Variants in TFAP2D observed in about 807,000 individuals in gnomAD.
TFAP2D encodes the protein transcription factor AP-2-delta.
In TFAP2D, 9 loss-of-function variants were observed where a neutral mutation model predicts 43.6. That is an observed-to-expected ratio of 0.21 (90% CI 0.12 to 0.36). The LOEUF is 0.36. Ranked by LOEUF, TFAP2D falls within the 10% of genes least tolerant of loss-of-function variation. The pLI is 1.00. For synonymous variants in TFAP2D, 256 were observed against 224.9 expected (o/e 1.14, Z -1.24); for missense variants, 513 against 561.4 (o/e 0.91, Z 0.87).
At chr6:50,737,355 A>C (rs1290121289) in intron 5 of TFAP2D, among the ~76,000 whole-genome samples, 1 of 152,200 alleles carries the variant, frequency 6.6e-6, no homozygotes, top group Non-Finnish European at 1.5e-5. Flanking sequence ...ATTGAATAAC[A>C]ATGGAAAACT....
intron 2 of TFAP2D, among the ~76,000 whole-genome samples, chr6:50,716,224 G>A (rs1380960005): frequency 6.6e-6 from 1 of 152,130 alleles, no homozygotes; most frequent in Non-Finnish European, 1.5e-5. Flanking sequence ...AAGTCTCAAA[G>A]TTCTACCCCA....
chr6:50,730,285 A>T (rs1768868270), intron 5 of TFAP2D, among the ~76,000 whole-genome samples: 1 of 152,112 alleles, frequency 6.6e-6, no homozygotes, highest in Non-Finnish European at 1.5e-5. Context: ...GTCTTGGCAG[A>T]ATTGCTTTGG....
chr6:50,714,125 G>A, intron 1 of TFAP2D, 31 bp downstream of exon 1: 1 of 887,116 alleles, frequency 1.1e-6, no homozygotes, highest in Non-Finnish European at 1.5e-6. Flanking sequence ...TTTTTTTTTT[G>A]AGCGCGCGTG....
intron 3 of TFAP2D, among the ~76,000 whole-genome samples, chr6:50,728,484 C>A (rs72893647): frequency 0.011 from 1,703 of 152,314 alleles, 16 homozygotes; most frequent in Non-Finnish European, 0.017. Context: ...CATAAACATA[C>A]AACCATGTAT....
intron 5 of TFAP2D, among the ~76,000 whole-genome samples, chr6:50,740,774 T>G (rs1285341986): frequency 1.3e-5 from 2 of 152,174 alleles, no homozygotes; most frequent in Non-Finnish European, 2.9e-5. Flanking sequence ...TATAACAGAT[T>G]GAAAGTCAGG....
At chr6:50,744,352 T>C (rs1769095117) in intron 5 of TFAP2D, among the ~76,000 whole-genome samples, 1 of 152,170 alleles carries the variant, frequency 6.6e-6, no homozygotes, top group South Asian at 2.1e-4. Context: ...TCCAGCTACT[T>C]TTGCAAAGAA....
intron 7 of TFAP2D, among the ~76,000 whole-genome samples, chr6:50,763,043 A>T (rs1011813905): frequency 2.6e-5 from 4 of 152,020 alleles, no homozygotes; most frequent in African/African-American, 4.8e-5. Context: ...TCTTCTTAGT[A>T]TATTGCGACA....
intron 4 of TFAP2D, 64 bp downstream of exon 4, chr6:50,729,085 G>C (rs1052916130): frequency 1.2e-6 from 2 of 1,604,752 alleles, no homozygotes; most frequent in Non-Finnish European, 1.7e-6. Flanking sequence ...TCAACCCTTA[G>C]TCATGATGTC....
chr6:50,748,834 A>T (rs771323747), intron 6 of TFAP2D, among the ~76,000 whole-genome samples: 3 of 151,888 alleles, frequency 2.0e-5, no homozygotes, highest in Middle Eastern at 3.2e-3. Flanking sequence ...TCTAAGGGTG[A>T]AACATAGAAT....
chr6:50,742,719 A>T (rs191571312), intron 5 of TFAP2D, among the ~76,000 whole-genome samples: 10 of 152,212 alleles, frequency 6.6e-5, no homozygotes, highest in Admixed American at 5.9e-4. Flanking sequence ...AATACATGTA[A>T]CTTGACTTGC....
intron 7 of TFAP2D, among the ~76,000 whole-genome samples, chr6:50,754,362 AAGTGTGT>A (rs1241412200): frequency 6.6e-6 from 1 of 151,166 alleles, no homozygotes; most frequent in Non-Finnish European, 1.5e-5. Flanking sequence ...GTGTGTGTGT[AAGTGTGT>A]ATGTGCCTAT....
intron 3 of TFAP2D, among the ~76,000 whole-genome samples, chr6:50,727,067 C>T (rs1275493740): frequency 1.3e-5 from 2 of 152,198 alleles, no homozygotes; most frequent in African/African-American, 4.8e-5. Context: ...GCAGAGTGCA[C>T]AGGACCTAAC....
At chr6:50,764,062 C>T (rs1445195270) in intron 7 of TFAP2D, among the ~76,000 whole-genome samples, 1 of 152,012 alleles carries the variant, frequency 6.6e-6, no homozygotes, top group African/African-American at 2.4e-5. Context: ...TTTAATAACC[C>T]AGAGTTTCTA....
At chr6:50,745,377 C>A (rs1322693205) in intron 6 of TFAP2D, 129 bp downstream of exon 6, 1 of 1,310,534 alleles carries the variant, frequency 7.6e-7, no homozygotes, top group Non-Finnish European at 1.1e-6. Flanking sequence ...ACACAAGCAG[C>A]TAGATATATT....
intron 3 of TFAP2D, among the ~76,000 whole-genome samples, chr6:50,722,264 C>G (rs1768737964): frequency 6.6e-6 from 1 of 152,200 alleles, no homozygotes; most frequent in Non-Finnish European, 1.5e-5. Context: ...AACCAATAAT[C>G]TTTACTTTAC....
chr6:50,737,902 T>C (rs183751215), intron 5 of TFAP2D, among the ~76,000 whole-genome samples: 9 of 152,290 alleles, frequency 5.9e-5, no homozygotes, highest in Admixed American at 5.2e-4. Flanking sequence ...TCCACAGATA[T>C]GCAAGTACAT....
At chr6:50,719,794 C>G (rs1403810322) in intron 3 of TFAP2D, among the ~76,000 whole-genome samples, 2 of 152,102 alleles carry the variant, frequency 1.3e-5, no homozygotes, top group African/African-American at 2.4e-5. Context: ...CTTTCTTGTT[C>G]CCATCTGTTG....
chr6:50,755,169 C>T (rs1769246933), intron 7 of TFAP2D, among the ~76,000 whole-genome samples: 1 of 151,810 alleles, frequency 6.6e-6, no homozygotes, highest in East Asian at 1.9e-4. Flanking sequence ...CATTCCATTG[C>T]ATGTCTTAAA....
At chr6:50,720,419 T>A (rs570232187) in intron 3 of TFAP2D, among the ~76,000 whole-genome samples, 14 of 151,974 alleles carry the variant, frequency 9.2e-5, no homozygotes, top group Non-Finnish European at 1.5e-4. Flanking sequence ...TTTTAGTGGA[T>A]GCTGGTAGTT....
Sources: gnomAD v4.1 joint callset for allele counts (sites outside exome capture counted in the v4.1 genomes callset) on GRCh38, gnomAD v4.1.1 for gene constraint, MANE v1.5 for transcripts, NCBI Gene and HGNC (gene_info 2026-07-23, HGNC 2026-07-21) for gene names.